MX2: variants seen among roughly 807,000 people sequenced by gnomAD.
The protein encoded by MX2 is interferon-induced GTP-binding protein Mx2.
A neutral mutation model predicts 74.0 loss-of-function variants in MX2; 51 were observed. That is an observed-to-expected ratio of 0.69 (90% CI 0.55 to 0.87). The LOEUF is 0.87. Ranked by LOEUF, MX2 falls within the 40% of genes least tolerant of loss-of-function variation. The pLI, the probability that MX2 is intolerant of heterozygous loss-of-function variation, is 0.00. For missense variants in MX2, 832 were observed against 908.7 expected (o/e 0.92, Z 1.09); for synonymous variants, 369 against 339.3 (o/e 1.09, Z -0.96).
At chr21:41,387,810 G>A (rs1216825378) in intron 5 of MX2, among the ~76,000 whole-genome samples, 2 of 152,130 alleles carry the variant, frequency 1.3e-5, no homozygotes, top group Non-Finnish European at 1.5e-5. Context: ...CAAACTCAGT[G>A]GGTCCAAGCA....
intron 9 of MX2, 61 bp downstream of exon 9, chr21:41,399,080 C>T (rs1288044664): frequency 1.3e-6 from 2 of 1,596,152 alleles, no homozygotes; most frequent in Non-Finnish European, 1.7e-6. Context: ...CCTGCAGCTG[C>T]CCTTCCCCTT....
Position 41,402,322 on chromosome 21 carries a change from G to T in MX2, c.1573+194G>T, listed in dbSNP as rs564209357. 3.5e-6 allele frequency: 2 copies of T among 575,542 alleles called. No individual in the cohort carries two copies. The highest frequency in any genetic ancestry group is 5.7e-6 in the Non-Finnish European group (2 of 353,758). The allele number at this position is 575,542 out of a possible 1,614,324, so 35.7% of individuals were successfully genotyped here. On this transcript the variant is annotated intron_variant, in intron 11 of 13. Transcript: ENST00000330714. This position sits in a 1 kb window ranked among gnomAD's most constrained non-coding sequence, Gnocchi z 4.5. Reference sequence around the variant, plus strand: ...GGCCTGAGAGCTGGTCAGAGCTACCGATTCTGCCCTTCTGCCTGAGAACTC... The same window carrying T: ...GGCCTGAGAGCTGGTCAGAGCTACCTATTCTGCCCTTCTGCCTGAGAACTC...
At position 41,371,997 on chromosome 21, in the gene MX2, G is replaced by A. The variant is rs550756270; in HGVS notation, c.-71-4839G>A. Reference sequence around the variant, plus strand: ...ATTGATTTTGTATTTTGCGAACACCGAGGGTGATTCAGACAGTGAAGTGTC... The same window carrying A: ...ATTGATTTTGTATTTTGCGAACACCAAGGGTGATTCAGACAGTGAAGTGTC... On this transcript the variant is annotated intron_variant, in intron 1 of 13. Transcript: ENST00000330714. Among the ~76,000 whole-genome samples the A allele has an allele frequency of 2.2e-3, 328 of 152,340 alleles. 2 individuals are homozygous for A. Among genetic ancestry groups the A allele is most frequent in the African/African-American group, 4.4e-3 (184 of 41,568 alleles).
At position 41,403,234 on chromosome 21, in the gene MX2, C is replaced by A. The variant is rs769787546; in HGVS notation, c.1574-33C>A. 5 of 1,502,460 alleles carry A rather than the reference C, an allele frequency of 3.3e-6. No homozygotes were observed. In the East Asian group the frequency reaches 9.1e-5, roughly 27 times the overall value. The allele number at this position is 1,502,460 out of a possible 1,614,324, so 93.1% of individuals were successfully genotyped here. A position where few individuals can be genotyped will look rare whatever the true frequency, so the allele number is the denominator to read the frequency against. On this transcript the variant is annotated intron_variant, in intron 11 of 13. Transcript: ENST00000330714. Reference sequence around the variant, plus strand: ...TCTGCTTGCATTTTACTGATGTTTTCTTCTTCTTCTCCTTTTTGCTTTTTT... The same window carrying A: ...TCTGCTTGCATTTTACTGATGTTTTATTCTTCTTCTCCTTTTTGCTTTTTT...
At chr21:41,396,405 C>T (rs573229671) in intron 7 of MX2, among the ~76,000 whole-genome samples, 1 of 152,310 alleles carries the variant, frequency 6.6e-6, no homozygotes, top group South Asian at 2.1e-4. Context: ...AGCACTTTTC[C>T]CCTTCATTCT....
intron 4 of MX2, among the ~76,000 whole-genome samples, chr21:41,381,473 T>C (rs436915): frequency 1 from 152,282 of 152,282 alleles, 76,141 homozygotes; most frequent in Non-Finnish European, 1. Flanking sequence ...ATCACGAGGT[T>C]AGGAGATCAA....
Position 41,398,911 on chromosome 21 carries a change from G to A in MX2, c.1164G>A (p.Leu388=). Reference sequence around the variant, plus strand: ...GTTTTGTTTAGAAATCGCTCCCGTTGTTAGAAGGACAAATAAGGGAGAGCC... The same window carrying A: ...GTTTTGTTTAGAAATCGCTCCCGTTATTAGAAGGACAAATAAGGGAGAGCC... ...LIMHIQKSLP[L]LEGQIRESHQ... The change falls in exon 9 of 14, where the codon TTG becomes TTA. Residue 388 remains leucine, a synonymous_variant. Transcript: ENST00000330714. The A allele has an allele frequency of 6.2e-7, 1 of 1,613,252 alleles. No homozygotes were observed. Among genetic ancestry groups the A allele is most frequent in the East Asian group, 2.2e-5 (1 of 44,858 alleles).
chr21:41,398,681 G>C (rs1242899815), intron 8 of MX2, among the ~76,000 whole-genome samples: 2 of 152,092 alleles, frequency 1.3e-5, no homozygotes, highest in Non-Finnish European at 2.9e-5. Flanking sequence ...CCAACTTTAA[G>C]GCACACAAGA....
chr21:41,400,861 C>G (rs2089802756), intron 10 of MX2: 1 of 152,218 alleles, frequency 6.6e-6, no homozygotes, highest in South Asian at 2.1e-4. Context: ...TGTGTGCCAC[C>G]ACACCCAGCT....
At chr21:41,371,197 C>T (rs533481139) in intron 1 of MX2, among the ~76,000 whole-genome samples, 3 of 152,270 alleles carry the variant, frequency 2.0e-5, no homozygotes, top group Non-Finnish European at 4.4e-5. Context: ...CTCGTCATCT[C>T]GAGTGAAGCT....
chr21:41,382,678 T>A, intron 5 of MX2, 114 bp downstream of exon 5: 1 of 1,408,582 alleles, frequency 7.1e-7, no homozygotes, highest in East Asian at 2.3e-5. Context: ...GAGGATGGAG[T>A]CTCAGGTAAG....
chr21:41,372,712 C>T (rs759815936), intron 1 of MX2, among the ~76,000 whole-genome samples: 1 of 152,146 alleles, frequency 6.6e-6, no homozygotes, highest in Admixed American at 6.5e-5. Context: ...TCTGTGCTTC[C>T]GTAGCATCCC....
Position 41,377,015 on chromosome 21 carries a change from G to A in MX2, c.109G>A (p.Gly37Ser), listed in dbSNP as rs544607915. The change falls in exon 2 of 14, where the codon GGC (glycine) becomes AGC (serine). Residue 37 changes from glycine to serine, a missense_variant. Physicochemically the swap from Gly to Ser is moderately conservative, Grantham distance 56 (BLOSUM62 0). Transcript: ENST00000330714. ...CTTCCAGCAACAGCCACCGCCATTC[G>A]GCACAGTGCCACCACAAATGATGTT... is the stretch of plus-strand genomic sequence containing the variant. ...NSFQQQPPPF[G>S]TVPPQMMFPP... 23 of 1,614,176 alleles carry A rather than the reference G, an allele frequency of 1.4e-5. No individual in the cohort carries two copies. Among genetic ancestry groups the A allele is most frequent in the South Asian group, 1.1e-4 (10 of 91,074 alleles).
rs150329415 is a variant in MX2 at position 41,402,298 on chromosome 21, G to T, written c.1573+170G>T. On this transcript the variant is annotated intron_variant, in intron 11 of 13. Coordinates refer to ENST00000330714, the MANE Select transcript of MX2 (RefSeq NM_002463.2). The surrounding 1 kb of genome is among the most constrained non-coding windows in gnomAD (Gnocchi z 4.5). ...TCTGTGAGCCAGCAGCACTGGCAAG[G>T]CCTGAGAGCTGGTCAGAGCTACCGA... 2.4e-4 allele frequency: 177 copies of T among 747,078 alleles called. 2 individuals are homozygous for T. In the African/African-American group the frequency reaches 2.9e-3, roughly 12 times the overall value. The allele number at this position is 747,078 out of a possible 1,614,324, so 46.3% of individuals were successfully genotyped here.
chr21:41,371,894 A>G (rs77354115), intron 1 of MX2, among the ~76,000 whole-genome samples: 7,240 of 152,254 alleles, frequency 0.048, 209 homozygotes, highest in South Asian at 0.13. Flanking sequence ...CGCACGGCCA[A>G]TAAAGCTGGT....
At chr21:41,367,706 GC>G (rs1378778822) in intron 1 of MX2, among the ~76,000 whole-genome samples, 3 of 152,248 alleles carry the variant, frequency 2.0e-5, no homozygotes, top group Admixed American at 6.5e-5. Flanking sequence ...ATATTTGGCA[GC>G]CCCCTGGTTT....
At chr21:41,374,440 C>A (rs1323930741) in intron 1 of MX2, among the ~76,000 whole-genome samples, 1 of 152,208 alleles carries the variant, frequency 6.6e-6, no homozygotes, top group Non-Finnish European at 1.5e-5. Flanking sequence ...GGATCCCGGG[C>A]GGCAGGAGTA....
chr21:41,375,130 C>G (rs1037647441), intron 1 of MX2, among the ~76,000 whole-genome samples: 5 of 152,210 alleles, frequency 3.3e-5, no homozygotes, highest in Non-Finnish European at 7.3e-5. Flanking sequence ...CAGGCACACC[C>G]TCCAGTGGGC....
chr21:41,382,941 T>C (rs1414995719), intron 5 of MX2, among the ~76,000 whole-genome samples: 1 of 152,192 alleles, frequency 6.6e-6, no homozygotes, highest in Non-Finnish European at 1.5e-5. Flanking sequence ...GTTACATAAG[T>C]CATAACATGG....
Sources: allele counts gnomAD v4.1 joint callset (sites outside exome capture counted in the v4.1 genomes callset), GRCh38; gene constraint gnomAD v4.1.1; non-coding constraint Gnocchi (gnomAD v3.1); transcripts MANE v1.5; gene names NCBI Gene and HGNC (gene_info 2026-07-23, HGNC 2026-07-21).